BTBD8: variants seen among roughly 807,000 people sequenced by gnomAD.
The protein encoded by BTBD8 is BTB domain containing 8, also known as BTB/POZ domain-containing protein 8.
Under a neutral mutation model 162.9 loss-of-function variants are expected in BTBD8, and 110 were observed. The ratio of observed to expected loss-of-function variants is 0.68; its 90% CI spans 0.58 to 0.79. The LOEUF (loss-of-function observed/expected upper bound fraction) is 0.79. BTBD8 is among the 30% of genes least tolerant of loss of function. The pLI, the probability that BTBD8 is intolerant of heterozygous loss-of-function variation, is 0.00. For synonymous variants in BTBD8, 667 were observed against 716.1 expected, an observed-to-expected ratio of 0.93 and a Z score of 1.10; for missense variants, 1,905 against 2,085.4, an observed-to-expected ratio of 0.91 and a Z score of 1.68.
intron 9 of BTBD8, among the ~76,000 whole-genome samples, chr1:92,153,955 T>G (rs1008187956): frequency 3.9e-5 from 6 of 152,144 alleles, no homozygotes; most frequent in Non-Finnish European, 7.4e-5. Flanking sequence ...TGGGAGGGAT[T>G]TGGGTCATGG....
chr1:92,098,509 A>G (rs1345298966), intron 2 of BTBD8, among the ~76,000 whole-genome samples: 1 of 152,166 alleles, frequency 6.6e-6, no homozygotes, highest in African/African-American at 2.4e-5. Flanking sequence ...TTCCAAAATG[A>G]CTGTACCATT....
rs941566890 is a variant in BTBD8 at position 92,129,728 on chromosome 1, T to C, written c.704T>C (p.Leu235Pro). 6.3e-5 allele frequency: 101 copies of C among 1,614,072 alleles called. No homozygotes were observed. The highest frequency in any genetic ancestry group is 7.5e-5 in the Non-Finnish European group (88 of 1,180,034). ...AGATCTAGTTATTTTGCTGCAATGCTGAGTGGCTGTTGGGCTGAAAGCTCC... is the reference window on the plus strand; with the variant it reads ...AGATCTAGTTATTTTGCTGCAATGCCGAGTGGCTGTTGGGCTGAAAGCTCC... ...SARSSYFAAM[L>P]SGCWAESSQE... Residue 235 changes from leucine to proline, a missense_variant, in exon 5 of 18, where the codon CTG becomes CCG. Coordinates refer to ENST00000636805, the MANE Select transcript of BTBD8 (RefSeq NM_001376131.1).
chr1:92,138,295 T>C (rs907574196), intron 5 of BTBD8, among the ~76,000 whole-genome samples: 1 of 152,216 alleles, frequency 6.6e-6, no homozygotes, highest in Non-Finnish European at 1.5e-5. Flanking sequence ...GAAGGCAATT[T>C]TATAAAGTAT....
Position 92,130,565 on chromosome 1 carries a change from CACAT to C in BTBD8, c.752+791_752+794del, listed in dbSNP as rs1160359339. ...ACACACACACACACACACACACACACACATATACGCACACACACATATATATACA... is the reference window on the plus strand; with the variant it reads ...ACACACACACACACACACACACACACATACGCACACACACATATATATACA... On this transcript the variant is annotated intron_variant, in intron 5 of 17. Coordinates refer to ENST00000636805, the MANE Select transcript of BTBD8 (RefSeq NM_001376131.1). Among the ~76,000 whole-genome samples, 874 of 146,598 alleles carry C rather than the reference CACAT, an allele frequency of 6.0e-3. 7 individuals are homozygous for C. Among genetic ancestry groups the C allele is most frequent in the Non-Finnish European group, 9.0e-3 (588 of 65,552 alleles).
chr1:92,115,115 G>C, intron 4 of BTBD8: 1 of 458,338 alleles, frequency 2.2e-6, no homozygotes, highest in Admixed American at 2.5e-5. Flanking sequence ...GAAAGGCCAC[G>C]CCATTGAGCT....
intron 4 of BTBD8, among the ~76,000 whole-genome samples, chr1:92,119,271 AT>A (rs1014765188): frequency 4.0e-5 from 6 of 148,168 alleles, no homozygotes; most frequent in Admixed American, 4.0e-4. Context: ...AGCTGTACAA[AT>A]TTTTTTCTTT....
At chr1:92,141,068 T>C in intron 6 of BTBD8, 47 bp from the exon 7 acceptor site, 1 of 1,481,700 alleles carries the variant, frequency 6.7e-7, no homozygotes, top group Non-Finnish European at 9.0e-7. Context: ...GTGTTGTGCC[T>C]TGATTTTTAA....
At chr1:92,133,401 T>A (rs1187219737) in intron 5 of BTBD8, among the ~76,000 whole-genome samples, 1 of 152,230 alleles carries the variant, frequency 6.6e-6, no homozygotes, top group Non-Finnish European at 1.5e-5. Flanking sequence ...TTGTTGTCAT[T>A]TTCTAGAGAG....
At chr1:92,115,305 AG>A (rs1215628411) in intron 4 of BTBD8, 1 of 460,672 alleles carries the variant, frequency 2.2e-6, no homozygotes, top group Admixed American at 2.7e-5. Flanking sequence ...CCATGATGCC[AG>A]AGTTGTTATG....
At chr1:92,125,892 T>C in intron 4 of BTBD8, 1 of 426,746 alleles carries the variant, frequency 2.3e-6, no homozygotes, top group South Asian at 2.0e-5. Flanking sequence ...CAATGATGAA[T>C]GAGCAACCAG....
intron 12 of BTBD8, 48 bp from the exon 13 acceptor site, chr1:92,171,351 G>A: frequency 7.4e-7 from 1 of 1,347,828 alleles, no homozygotes; most frequent in Non-Finnish European, 1.0e-6. Flanking sequence ...TACTTCTAAG[G>A]TAATAATAAT....
intron 2 of BTBD8, among the ~76,000 whole-genome samples, chr1:92,093,107 A>G (rs1393029192): frequency 6.6e-6 from 1 of 151,992 alleles, no homozygotes; most frequent in East Asian, 1.9e-4. Flanking sequence ...ATTTAAGCAG[A>G]TACTTTAAGT....
At chr1:92,126,423 A>C in intron 4 of BTBD8, 1 of 914,678 alleles carries the variant, frequency 1.1e-6, no homozygotes, top group Non-Finnish European at 1.7e-6. Flanking sequence ...GACCTCCTCA[A>C]ACGAAACATC....
intron 4 of BTBD8, among the ~76,000 whole-genome samples, chr1:92,129,352 T>C (rs1266869239): frequency 1.3e-5 from 2 of 152,070 alleles, no homozygotes; most frequent in African/African-American, 4.8e-5. Context: ...AGTGTGATAC[T>C]GCATGCCTGT....
chr1:92,140,960 A>G (rs1649762587), intron 6 of BTBD8, among the ~76,000 whole-genome samples, 155 bp from the exon 7 acceptor site: 1 of 152,264 alleles, frequency 6.6e-6, no homozygotes, highest in African/African-American at 2.4e-5. Flanking sequence ...TTTATAATCC[A>G]TAAAGGGTGT....
In BTBD8 at chr1:92,080,588, A is replaced by T; in HGVS notation, c.17A>T (p.Glu6Val). ...CTGTGAGACATGGCTCGCTGTGGGG[A>T]AGGCAGTGCGGCCCCCATGGTACTT... is the stretch of plus-strand genomic sequence containing the variant. MARCG[E>V]GSAAPMVLLG... The change falls in exon 1 of 18, where the codon GAA becomes GTA. Residue 6 changes from glutamate (E) to valine (V), a missense_variant. Physicochemically the swap from Glu to Val is moderately radical, Grantham distance 121. Around this residue, in one of 3 missense-constraint regions of BTBD8, gnomAD observed 1,374 missense variants for 1,442.7 expected, o/e 0.95. Coordinates refer to ENST00000636805, the MANE Select transcript of BTBD8 (RefSeq NM_001376131.1). 1 of 1,613,842 alleles carries T rather than the reference A, an allele frequency of 6.2e-7. No individual in the cohort carries two copies. Among genetic ancestry groups the T allele is most frequent in the South Asian group, 1.1e-5 (1 of 91,074 alleles).
intron 2 of BTBD8, among the ~76,000 whole-genome samples, chr1:92,091,409 A>G (rs552489761): frequency 6.6e-6 from 1 of 152,238 alleles, no homozygotes; most frequent in East Asian, 1.9e-4. Context: ...ACGCTGTCTC[A>G]GGTAGTTCTT....
chr1:92,131,006 C>T (rs968905694), intron 5 of BTBD8, among the ~76,000 whole-genome samples: 2 of 152,108 alleles, frequency 1.3e-5, no homozygotes, highest in African/African-American at 4.8e-5. Context: ...GCTTGGCCTA[C>T]GTTCAAGTTT....
At chr1:92,119,893 C>CTTTTTTTTTTTTTTTTTTT (rs58297367) in intron 4 of BTBD8, among the ~76,000 whole-genome samples, 1 of 58,386 alleles carries the variant, frequency 1.7e-5, no homozygotes. Context: ...CGGCCCTTTT[C>CTTTTTTTTTTTTTTTTTTT]TTTTTTTTTT....
Sources: allele counts gnomAD v4.1 joint callset (sites outside exome capture counted in the v4.1 genomes callset), GRCh38; gene constraint gnomAD v4.1.1; regional missense constraint gnomAD v4.1.1; transcripts MANE v1.5; gene names NCBI Gene and HGNC (gene_info 2026-07-23, HGNC 2026-07-21).